Variants in ADAD2 observed in about 807,000 individuals in gnomAD.
ADAD2 encodes adenosine deaminase domain-containing protein 2.
ADAD2 carries 60 observed loss-of-function variants against 54.5 expected under a neutral mutation model. That is an observed-to-expected ratio of 1.10 (90% CI 0.89 to 1.36). ADAD2 has a LOEUF of 1.36. ADAD2 is among the 40% of genes most tolerant of loss of function. The pLI is 0.00. For missense variants in ADAD2, 1,103 were observed against 801.3 expected, an observed-to-expected ratio of 1.38 and a Z score of -4.54; for synonymous variants, 543 against 366.2, an observed-to-expected ratio of 1.48 and a Z score of -5.51.
In ADAD2 at chr16:84,191,239, G is replaced by C. The variant is rs754795756; in HGVS notation, c.9G>C (p.Ser3=). The C allele has an allele frequency of 9.3e-6, 15 of 1,607,462 alleles. No individual in the cohort carries two copies. Among genetic ancestry groups the C allele is most frequent in the Non-Finnish European group, 1.2e-5 (14 of 1,176,888 alleles). Residue 3 remains serine (S), a synonymous_variant, in exon 1 of 10, where the codon TCG becomes TCC. Transcript: ENST00000315906. ...GATCTTCGTTGGCGGCCATGGCTTC[G>C]GCTTCTCAGGGCGCTGACGACGACG... is the stretch of plus-strand genomic sequence containing the variant. MA[S]ASQGADDDGS...
In ADAD2 at chr16:84,194,723, C is replaced by A. The variant is rs1377501283; in HGVS notation, c.559+141C>A. 8.4e-6 allele frequency: 12 copies of A among 1,428,946 alleles called. No homozygotes were observed. In the East Asian group the frequency reaches 1.2e-4, roughly 15 times the overall value. 88.5% of individuals were successfully genotyped at this position (1,428,946 alleles called of 1,614,324 possible). A position where few individuals can be genotyped will look rare whatever the true frequency, so the allele number is the denominator to read the frequency against. On this transcript the variant is annotated intron_variant, in intron 2 of 9. Transcript: ENST00000315906. ...ACAAACCATCTGAGCATCAGGACGT[C>A]ACCTGCAGGGAGCTGGGGCGGGGTA...
chr16:84,194,897 G>T, intron 2 of ADAD2, 36 bp from the exon 3 acceptor site: 1 of 1,576,112 alleles, frequency 6.3e-7, no homozygotes, highest in Admixed American at 1.9e-5. Context: ...GTGGGCCTTG[G>T]CACCCACACC....
rs750512607 is a variant in ADAD2, at chr16:84,191,226, C to G, written c.-5C>G. On this transcript the variant is annotated 5_prime_UTR_variant, in exon 1 of 10. Coordinates refer to ENST00000315906, the MANE Select transcript of ADAD2 (RefSeq NM_001145400.2). ...GCCTAGCGCCTCAGATCTTCGTTGG[C>G]GGCCATGGCTTCGGCTTCTCAGGGC... 2 of 1,606,092 alleles carry G rather than the reference C, an allele frequency of 1.2e-6. No individual in the cohort carries two copies. Among genetic ancestry groups the G allele is most frequent in the Non-Finnish European group, 8.5e-7 (1 of 1,176,082 alleles).
rs193037965 is a variant in ADAD2, at chr16:84,191,527, G to A, written c.297G>A (p.Val99=). 1,604 of 1,546,312 alleles carry A rather than the reference G, an allele frequency of 1.0e-3. 2 individuals are homozygous for A. Among genetic ancestry groups the A allele is most frequent in the Non-Finnish European group, 1.3e-3 (1,484 of 1,146,578 alleles). Residue 99 remains valine, a synonymous_variant, in exon 1 of 10, where the codon GTG becomes GTA. Coordinates refer to ENST00000315906, the MANE Select transcript of ADAD2 (RefSeq NM_001145400.2). ...TGGGGAAGGCCCCGAGGGTCCCTGT[G>A]CCCCCAGCAGGGCTCAGCCTGCCGC... ...EQMGKAPRVP[V]PPAGLSLPLK...
rs1351233034 is a variant in ADAD2, at chr16:84,195,276, C to G, written c.734-20C>G. On this transcript the variant is annotated intron_variant, in intron 4 of 9. Transcript: ENST00000315906. Reference sequence around the variant, plus strand: ...AGCTCCTTGCCTTAGGCTGGGCCGTCTCTGCCCCCTCCTGCACAGAGATCC... The same window carrying G: ...AGCTCCTTGCCTTAGGCTGGGCCGTGTCTGCCCCCTCCTGCACAGAGATCC... 2 of 1,612,186 alleles carry G rather than the reference C, an allele frequency of 1.2e-6. No homozygotes were observed. Among genetic ancestry groups the G allele is most frequent in the Non-Finnish European group, 1.7e-6 (2 of 1,179,804 alleles).
intron 1 of ADAD2, chr16:84,193,432 T>C (rs1232396705): frequency 1.3e-5 from 2 of 152,386 alleles, no homozygotes; most frequent in African/African-American, 4.8e-5. Flanking sequence ...GGTTTGTCTG[T>C]TTCCTCAGAA....
Position 84,191,424 on chromosome 16 carries a change from G to T in ADAD2, c.194G>T (p.Arg65Met). The change falls in exon 1 of 10, where the codon AGG becomes ATG. Residue 65 changes from arginine to methionine, a missense_variant. By Grantham distance (91) the Arg-to-Met change is moderately conservative. Coordinates refer to ENST00000315906, the MANE Select transcript of ADAD2 (RefSeq NM_001145400.2). Reference sequence around the variant, plus strand: ...GGGTGGCCCCAGGTCTCGGTGTTGAGGGACAGTGGGCCTGGGGCAGGGGCC... The same window carrying T: ...GGGTGGCCCCAGGTCTCGGTGTTGATGGACAGTGGGCCTGGGGCAGGGGCC... Reference protein sequence around the residue: ...EGGWPQVSVLRDSGPGAGAGV... With the variant: ...EGGWPQVSVLMDSGPGAGAGV... The T allele has an allele frequency of 6.6e-7, 1 of 1,503,956 alleles. No individual in the cohort carries two copies. 93.2% of individuals were successfully genotyped at this position (1,503,956 alleles called of 1,614,324 possible).
chr16:84,194,135 T>A (rs2089693660), intron 1 of ADAD2: 1 of 1,613,446 alleles, frequency 6.2e-7, no homozygotes. Flanking sequence ...GACCTGGATT[T>A]GGGTCCTGAC....
rs1467673479 is a variant in ADAD2 at position 84,195,335 on chromosome 16, A to G, written c.773A>G (p.Lys258Arg). 6.2e-7 allele frequency: 1 copy of G among 1,610,004 alleles called. No homozygotes were observed. Among genetic ancestry groups the G allele is most frequent in the South Asian group, 1.1e-5 (1 of 91,000 alleles). ...AGGGGCCACGTGAAGGAGATCTACA[A>G]GCTGGTGGCTCTGGGCACCGGCAGC... ...RARGHVKEIY[K>R]LVALGTGSSC... The change falls in exon 5 of 10, where the codon AAG becomes AGG. Residue 258 changes from lysine (K) to arginine (R), a missense_variant. By Grantham distance (26) the Lys-to-Arg change is conservative. Coordinates refer to ENST00000315906, the MANE Select transcript of ADAD2 (RefSeq NM_001145400.2).
rs781126755 is a variant in ADAD2, at chr16:84,195,418, C to T, written c.856C>T (p.Leu286=). Residue 286 remains leucine (L), a synonymous_variant, in exon 5 of 10, where the codon CTG becomes TTG. Coordinates refer to ENST00000315906, the MANE Select transcript of ADAD2 (RefSeq NM_001145400.2). ...SGQQLHDCHG[L]VIARRALLRF... ...CCAGCAGCTCCACGACTGCCATGGCCTGGTCATCGCCCGCAGGGCCCTGCT... is the reference window on the plus strand; with the variant it reads ...CCAGCAGCTCCACGACTGCCATGGCTTGGTCATCGCCCGCAGGGCCCTGCT... The T allele has an allele frequency of 7.5e-6, 12 of 1,609,530 alleles. No individual in the cohort carries two copies. In the African/African-American group the frequency reaches 1.5e-4, roughly 20 times the overall value.
Position 84,195,994 on chromosome 16 carries a change from C to G in ADAD2, c.1232C>G (p.Ala411Gly). ...TGGGCCGTGCTGGGGCTGGGTGGTG[C>G]CCTGCTGGCCCACCTGGTGTCCCCA... ...ARWAVLGLGG[A>G]LLAHLVSPLY... Residue 411 changes from alanine to glycine, a missense_variant, in exon 7 of 10, where the codon GCC (alanine) becomes GGC (glycine). Transcript: ENST00000315906. 2 of 1,598,722 alleles carry G rather than the reference C, an allele frequency of 1.3e-6. No homozygotes were observed. Among genetic ancestry groups the G allele is most frequent in the South Asian group, 2.2e-5 (2 of 91,062 alleles).
In ADAD2 at chr16:84,195,446, G is replaced by A; in HGVS notation, c.884G>A (p.Arg295Lys). ...GLVIARRALLRFLFRQLLLAT... is the reference protein window; with the variant it reads ...GLVIARRALLKFLFRQLLLAT... ...GTCATCGCCCGCAGGGCCCTGCTGA[G>A]GTGAGGGGCAGTGGGGTGGGCGCCT... is the stretch of plus-strand genomic sequence containing the variant. Residue 295 changes from arginine to lysine, a missense_variant and splice_region_variant, in exon 5 of 10, where the codon AGG becomes AAG. Arg to Lys is a conservative substitution (Grantham distance 26). Coordinates refer to ENST00000315906, the MANE Select transcript of ADAD2 (RefSeq NM_001145400.2). 6.2e-7 allele frequency: 1 copy of A among 1,609,328 alleles called. No homozygotes were observed. The highest frequency in any genetic ancestry group is 8.5e-7 in the Non-Finnish European group (1 of 1,178,904).
chr16:84,196,470 T>C, intron 8 of ADAD2, 100 bp downstream of exon 8: 1 of 695,404 alleles, frequency 1.4e-6, no homozygotes, highest in Non-Finnish European at 2.0e-6. Flanking sequence ...CGCAACCCCT[T>C]CGCTCAACCC....
intron 3 of ADAD2, 33 bp downstream of exon 3, chr16:84,195,013 T>A: frequency 6.2e-7 from 1 of 1,612,472 alleles, no homozygotes. Flanking sequence ...AGGCTTGTAG[T>A]GTCGAGGGGA....
chr16:84,196,144 C>G lies in ADAD2; in HGVS notation c.1300C>G (p.Pro434Ala). 6.2e-7 allele frequency: 1 copy of G among 1,603,964 alleles called. No homozygotes were observed. The highest frequency in any genetic ancestry group is 8.5e-7 in the Non-Finnish European group (1 of 1,179,774). The change falls in exon 8 of 10, where the codon CCT (proline) becomes GCT (alanine). Residue 434 changes from proline to alanine, a missense_variant. Transcript: ENST00000315906. Reference protein sequence around the residue: ...SLILADSCHDPPTLSRAIHTR... With the variant: ...SLILADSCHDAPTLSRAIHTR... ...CCCTGCAGCTGACTCATGCCACGAC[C>G]CTCCGACTCTGAGCAGGGCCATCCA... is the stretch of plus-strand genomic sequence containing the variant.
At position 84,191,169 on chromosome 16, in the gene ADAD2, C is replaced by T; in HGVS notation, c.-62C>T. The T allele has an allele frequency of 3.2e-6, 5 of 1,556,328 alleles. No homozygotes were observed. In the South Asian group the frequency reaches 3.5e-5, roughly 11 times the overall value. ...CCCACGTGAAGGCACCCGCCCTGCG[C>T]GTGTGAAAGGGCGAGAGCAGCGCGA... is the stretch of plus-strand genomic sequence containing the variant. On this transcript the variant is annotated 5_prime_UTR_variant, in exon 1 of 10. Coordinates refer to ENST00000315906, the MANE Select transcript of ADAD2 (RefSeq NM_001145400.2).
Position 84,196,113 on chromosome 16 carries a change from C to T in ADAD2, c.1283-14C>T, listed in dbSNP as rs1242750697. 9 of 1,601,042 alleles carry T rather than the reference C, an allele frequency of 5.6e-6. No homozygotes were observed. The highest frequency in any genetic ancestry group is 4.5e-5 in the East Asian group (2 of 44,850). Reference sequence around the variant, plus strand: ...GGAGGTCACTCACCTTGTCCTGTCCCTTCTGCCCTGCAGCTGACTCATGCC... The same window carrying T: ...GGAGGTCACTCACCTTGTCCTGTCCTTTCTGCCCTGCAGCTGACTCATGCC... On this transcript the variant is annotated splice_polypyrimidine_tract_variant and intron_variant, in intron 7 of 9. Coordinates refer to ENST00000315906, the MANE Select transcript of ADAD2 (RefSeq NM_001145400.2).
intron 6 of ADAD2, 50 bp downstream of exon 6, chr16:84,195,747 C>T (rs1042220636): frequency 3.3e-6 from 5 of 1,533,760 alleles, no homozygotes; most frequent in Non-Finnish European, 4.4e-6. Flanking sequence ...CTCGGTTGGG[C>T]TGCTGGGTGG....
In ADAD2 at chr16:84,191,632, G is replaced by A; in HGVS notation, c.402G>A (p.Arg134=). The A allele has an allele frequency of 1.3e-6, 2 of 1,556,890 alleles. No homozygotes were observed. Among genetic ancestry groups the A allele is most frequent in the Non-Finnish European group, 1.7e-6 (2 of 1,150,654 alleles). ...GCCTGGGCATCTTCCTGCTCTTCCG[G>A]GAGGACCAGCCACCAGGTGAGGCCG... ...AASLGIFLLF[R]EDQPPGPCFP... The change falls in exon 1 of 10, where the codon CGG becomes CGA. Residue 134 remains arginine, a synonymous_variant. Coordinates refer to ENST00000315906, the MANE Select transcript of ADAD2 (RefSeq NM_001145400.2).
Sources: allele counts gnomAD v4.1 joint callset, GRCh38; gene constraint gnomAD v4.1.1; transcripts MANE v1.5; gene names NCBI Gene and HGNC (gene_info 2026-07-23, HGNC 2026-07-21).